Variants in CAMK1D observed in about 807,000 individuals in gnomAD.
CAMK1D encodes calcium/calmodulin-dependent protein kinase type 1D.
CAMK1D carries 9 observed loss-of-function variants against 47.7 expected under a neutral mutation model. That is an observed-to-expected ratio of 0.19 (90% CI 0.11 to 0.33). The LOEUF (loss-of-function observed/expected upper bound fraction) is 0.33. Among genes scored for constraint, CAMK1D ranks in the 10% least tolerant of loss-of-function variants. CAMK1D has a pLI of 1.00. For synonymous variants in CAMK1D, 184 were observed against 184.9 expected (o/e 0.99, Z 0.04); for missense variants, 291 against 488.7 (o/e 0.60, Z 3.81).
At chr10:12,808,609 C>T (rs1039911706) in intron 6 of CAMK1D, among the ~76,000 whole-genome samples, 1 of 151,926 alleles carries the variant, frequency 6.6e-6, no homozygotes, top group Non-Finnish European at 1.5e-5. Context: ...GAAACCTCAT[C>T]TTTACTAAAA....
intron 1 of CAMK1D, among the ~76,000 whole-genome samples, chr10:12,504,108 GGTGT>G (rs1554778998): frequency 2.9e-4 from 43 of 147,754 alleles, no homozygotes; most frequent in Middle Eastern, 3.4e-3. Flanking sequence ...CAATAAGATG[GGTGT>G]GTGTGTGTGT....
In CAMK1D at chr10:12,355,870, G is replaced by A. The variant is rs1287706983; in HGVS notation, c.92+5960G>A. 2.6e-5 allele frequency among the ~76,000 whole-genome samples: 4 copies of A among 152,174 alleles called. No individual in the cohort carries two copies. In the East Asian group the frequency reaches 7.7e-4, roughly 29 times the overall value. ...ACAGAAAATACAAGGGGCAAAGAAG[G>A]GAAAGGAACAGCACGTTAGAAGCTG... On this transcript the variant is annotated intron_variant, in intron 1 of 10. Transcript: ENST00000619168.
At chr10:12,684,125 G>T (rs1366039274) in intron 3 of CAMK1D, among the ~76,000 whole-genome samples, 1 of 152,186 alleles carries the variant, frequency 6.6e-6, no homozygotes, top group Non-Finnish European at 1.5e-5. Flanking sequence ...GAGCCCAGCG[G>T]CCAGTTTGTG....
At chr10:12,636,998 G>GTC (rs1481872989) in intron 2 of CAMK1D, among the ~76,000 whole-genome samples, 1 of 151,830 alleles carries the variant, frequency 6.6e-6, no homozygotes, top group South Asian at 2.1e-4. Flanking sequence ...TTTTGATACA[G>GTC]TCTCTCTCTC....
At chr10:12,623,575 T>C (rs1040020535) in intron 2 of CAMK1D, among the ~76,000 whole-genome samples, 1 of 149,704 alleles carries the variant, frequency 6.7e-6, no homozygotes. Flanking sequence ...ACAAAAACTT[T>C]TGTCATGGAA....
chr10:12,460,148 T>C (rs974152701), intron 1 of CAMK1D, among the ~76,000 whole-genome samples: 1 of 152,162 alleles, frequency 6.6e-6, no homozygotes, highest in Non-Finnish European at 1.5e-5. Flanking sequence ...TAAACTCCAC[T>C]GTATGGTATA....
chr10:12,654,820 A>AC lies in CAMK1D; in HGVS notation c.225-11913dup, dbSNP rs572931500. On this transcript the variant is annotated intron_variant, in intron 2 of 10. Transcript: ENST00000619168. ...TCAGCTCTGAAGTATCTAAAGTTGAACCCTTTCCCATGACCTAAGATTCTC... is the reference window on the plus strand; with the variant it reads ...TCAGCTCTGAAGTATCTAAAGTTGAACCCCTTTCCCATGACCTAAGATTCTC... Among the ~76,000 whole-genome samples the AC allele has an allele frequency of 2.0e-3, 297 of 152,270 alleles. 6 individuals carry two copies. The South Asian group carries it at 0.029, about 15-fold the overall frequency.
intron 1 of CAMK1D, among the ~76,000 whole-genome samples, chr10:12,465,868 A>G (rs770659350): frequency 7.2e-5 from 11 of 152,164 alleles, no homozygotes; most frequent in Admixed American, 1.3e-4. Context: ...CTTGAGACCC[A>G]TACTCTCTCT....
At chr10:12,437,600 A>G (rs576200998) in intron 1 of CAMK1D, among the ~76,000 whole-genome samples, 1 of 152,190 alleles carries the variant, frequency 6.6e-6, no homozygotes, top group African/African-American at 2.4e-5. Context: ...AGGCTCTCCT[A>G]CTATCAACAT....
intron 1 of CAMK1D, among the ~76,000 whole-genome samples, chr10:12,449,502 C>T (rs2132029600): frequency 7.4e-6 from 1 of 134,868 alleles, no homozygotes; most frequent in Non-Finnish European, 1.6e-5. Context: ...ATCACACGCA[C>T]ACAAGGGGTG....
At chr10:12,704,405 G>C (rs1833650876) in intron 3 of CAMK1D, among the ~76,000 whole-genome samples, 1 of 152,156 alleles carries the variant, frequency 6.6e-6, no homozygotes, top group Non-Finnish European at 1.5e-5. Context: ...CTAGGGACCA[G>C]TATAAATGTG....
chr10:12,825,935 T>G, intron 10 of CAMK1D: 1 of 549,392 alleles, frequency 1.8e-6, no homozygotes, highest in Admixed American at 3.6e-5. Flanking sequence ...TCAGGAGTTT[T>G]AAGACCAGCC....
chr10:12,807,298 G>A lies in CAMK1D; in HGVS notation c.642-6897G>A, dbSNP rs551619064. Among the ~76,000 whole-genome samples the A allele has an allele frequency of 7.2e-4, 109 of 152,328 alleles. 1 individual carries two copies. The highest frequency in any genetic ancestry group is 3.1e-3 in the South Asian group (15 of 4,828). On this transcript the variant is annotated intron_variant, in intron 6 of 10. Coordinates refer to ENST00000619168, the MANE Select transcript of CAMK1D (RefSeq NM_153498.4). ...TTGCCTTAAGGAAGAGAGATTTGTT[G>A]CACAGCTTCGTGTGGAATGAACTGG...
At chr10:12,640,272 G>T (rs927985436) in intron 2 of CAMK1D, among the ~76,000 whole-genome samples, 1 of 150,804 alleles carries the variant, frequency 6.6e-6, no homozygotes, top group African/African-American at 2.4e-5. Flanking sequence ...TGCCCAAGTT[G>T]CAGGTTCTGT....
intron 3 of CAMK1D, among the ~76,000 whole-genome samples, chr10:12,695,210 C>A (rs1338029633): frequency 6.6e-6 from 1 of 152,098 alleles, no homozygotes; most frequent in Non-Finnish European, 1.5e-5. Flanking sequence ...AAGAAAAGAT[C>A]CCATTAAAGT....
At chr10:12,815,691 C>A (rs1032752800) in intron 7 of CAMK1D, among the ~76,000 whole-genome samples, 1 of 152,234 alleles carries the variant, frequency 6.6e-6, no homozygotes, top group African/African-American at 2.4e-5. Context: ...CCTGGGCTGC[C>A]AACTACTCCC....
intron 2 of CAMK1D, among the ~76,000 whole-genome samples, chr10:12,630,982 C>T (rs761216087): frequency 6.6e-6 from 1 of 152,132 alleles, no homozygotes; most frequent in Non-Finnish European, 1.5e-5. Context: ...GACATAAACA[C>T]ACAAACAGAA....
chr10:12,480,714 T>C (rs12781984), intron 1 of CAMK1D, among the ~76,000 whole-genome samples: 20,896 of 152,154 alleles, frequency 0.14, 1,561 homozygotes, highest in Non-Finnish European at 0.18. Context: ...CAGGCAGAAC[T>C]AGGATCCCCA....
chr10:12,758,145 C>T (rs1336395975), intron 3 of CAMK1D, among the ~76,000 whole-genome samples: 6 of 152,064 alleles, frequency 3.9e-5, no homozygotes, highest in South Asian at 2.1e-4. Context: ...CCACCACACC[C>T]GGCTGCATCC....
Sources: allele counts gnomAD v4.1 joint callset (sites outside exome capture counted in the v4.1 genomes callset), GRCh38; gene constraint gnomAD v4.1.1; transcripts MANE v1.5; gene names NCBI Gene and HGNC (gene_info 2026-07-23, HGNC 2026-07-21).